ATP6V1H: variants seen among roughly 807,000 people sequenced by gnomAD.
The protein encoded by ATP6V1H is V-type proton ATPase subunit H.
Under a neutral mutation model 71.7 loss-of-function variants are expected in ATP6V1H, and 39 were observed. The ratio of observed to expected loss-of-function variants is 0.54; its 90% CI spans 0.42 to 0.71. ATP6V1H has a LOEUF of 0.71. Among genes scored for constraint, ATP6V1H ranks in the 30% least tolerant of loss-of-function variants. The probability of loss-of-function intolerance (pLI) is 0.00; values close to 1 mark genes in which losing one functional copy is unlikely to be tolerated. For missense variants in ATP6V1H, 509 were observed against 594.9 expected, an observed-to-expected ratio of 0.86 and a Z score of 1.50; for synonymous variants, 192 against 199.3, an observed-to-expected ratio of 0.96 and a Z score of 0.31.
chr8:53,754,362 A>C (rs145187512), intron 12 of ATP6V1H, among the ~76,000 whole-genome samples: 2 of 152,218 alleles, frequency 1.3e-5, no homozygotes, highest in African/African-American at 2.4e-5. Context: ...TGGCTGGCAC[A>C]GGCTGGAACC....
chr8:53,784,671 G>C (rs1256517934), intron 9 of ATP6V1H, among the ~76,000 whole-genome samples: 2 of 152,186 alleles, frequency 1.3e-5, no homozygotes, highest in Non-Finnish European at 2.9e-5. Context: ...TGCAGTGGCT[G>C]GTACCGGTTG....
intron 9 of ATP6V1H, among the ~76,000 whole-genome samples, chr8:53,792,420 A>T (rs909570942): frequency 6.6e-6 from 1 of 152,092 alleles, no homozygotes; most frequent in African/African-American, 2.4e-5. Flanking sequence ...CACACTGAAC[A>T]CCACTCCTCC....
At chr8:53,800,807 C>T (rs1809887229) in intron 8 of ATP6V1H, among the ~76,000 whole-genome samples, 1 of 152,094 alleles carries the variant, frequency 6.6e-6, no homozygotes, top group South Asian at 2.1e-4. Flanking sequence ...GTTTTTCACT[C>T]TCTTTATTCT....
At chr8:53,826,217 C>A (rs1042556317) in intron 4 of ATP6V1H, among the ~76,000 whole-genome samples, 1 of 152,122 alleles carries the variant, frequency 6.6e-6, no homozygotes, top group Non-Finnish European at 1.5e-5. Context: ...GATGAAAATG[C>A]AAAATGGAAT....
chr8:53,817,280 G>T, intron 5 of ATP6V1H, 137 bp downstream of exon 5: 2 of 478,996 alleles, frequency 4.2e-6, no homozygotes, highest in Middle Eastern at 5.1e-4. Context: ...GCTCACACCT[G>T]TAATCCCAGC....
At chr8:53,778,153 A>T (rs1384041210) in intron 9 of ATP6V1H, among the ~76,000 whole-genome samples, 1 of 152,102 alleles carries the variant, frequency 6.6e-6, no homozygotes, top group African/African-American at 2.4e-5. Flanking sequence ...TAGTGCAAAA[A>T]CAAATAGTTA....
intron 2 of ATP6V1H, among the ~76,000 whole-genome samples, chr8:53,838,005 C>T (rs1309257698): frequency 1.3e-5 from 2 of 152,122 alleles, no homozygotes; most frequent in Non-Finnish European, 2.9e-5. Context: ...CTGGAGAGAG[C>T]CACACTGAAC....
intron 12 of ATP6V1H, among the ~76,000 whole-genome samples, chr8:53,750,705 A>C (rs368397239): frequency 6.6e-6 from 1 of 152,228 alleles, no homozygotes; most frequent in African/African-American, 2.4e-5. Context: ...AAGAGACAAC[A>C]TTCTGACACT....
Position 53,823,505 on chromosome 8 carries a change from T to G in ATP6V1H, c.306+5939A>C, listed in dbSNP as rs149054355. Among the ~76,000 whole-genome samples the G allele has an allele frequency of 2.3e-3, 344 of 152,260 alleles. 2 individuals carry two copies. Among genetic ancestry groups the G allele is most frequent in the African/African-American group, 7.9e-3 (327 of 41,554 alleles). The stretch of plus-strand genomic sequence containing the variant: ...TTTTTGGGGGGGCGGGGGAGATAGT[T>G]TCACTCTTTCTGCCCAGGCTGCAGT... On this transcript the variant is annotated intron_variant, in intron 4 of 13. Transcript: ENST00000359530.
intron 12 of ATP6V1H, among the ~76,000 whole-genome samples, chr8:53,746,069 G>A (rs1392938646): frequency 6.6e-6 from 1 of 152,176 alleles, no homozygotes; most frequent in Non-Finnish European, 1.5e-5. Flanking sequence ...ACCACTTACA[G>A]TAATATCAAA....
At chr8:53,778,602 A>C (rs1181263180) in intron 9 of ATP6V1H, among the ~76,000 whole-genome samples, 1 of 152,186 alleles carries the variant, frequency 6.6e-6, no homozygotes, top group Non-Finnish European at 1.5e-5. Context: ...TGTTAAGTAA[A>C]ATGAAATTTT....
At chr8:53,805,368 T>C (rs760011674) in intron 7 of ATP6V1H, among the ~76,000 whole-genome samples, 6 of 152,314 alleles carry the variant, frequency 3.9e-5, no homozygotes, top group Middle Eastern at 3.4e-3. Context: ...TTAAGTGAAA[T>C]GAAAAGATGC....
chr8:53,732,678 A>T (rs908336968), intron 13 of ATP6V1H, among the ~76,000 whole-genome samples: 1 of 152,070 alleles, frequency 6.6e-6, no homozygotes, highest in Non-Finnish European at 1.5e-5. Context: ...AAAAGAAAAA[A>T]AAAAGTAACA....
chr8:53,784,880 G>A (rs1809313053), intron 9 of ATP6V1H, among the ~76,000 whole-genome samples: 2 of 152,176 alleles, frequency 1.3e-5, no homozygotes, highest in South Asian at 4.1e-4. Context: ...CTCTCTTCTT[G>A]CTTGTAGAGT....
chr8:53,780,574 G>A (rs1459886943), intron 9 of ATP6V1H, among the ~76,000 whole-genome samples: 1 of 151,506 alleles, frequency 6.6e-6, no homozygotes, highest in African/African-American at 2.4e-5. Flanking sequence ...AAGTTTTAGG[G>A]TACATGTGCA....
chr8:53,802,528 G>A (rs1446142153), intron 7 of ATP6V1H, among the ~76,000 whole-genome samples: 5 of 152,082 alleles, frequency 3.3e-5, no homozygotes, highest in South Asian at 2.1e-4. Flanking sequence ...AGGCTAGCCC[G>A]GGCAACCTGG....
At chr8:53,837,492 T>C (rs1811195392) in intron 2 of ATP6V1H, among the ~76,000 whole-genome samples, 2 of 135,812 alleles carry the variant, frequency 1.5e-5, no homozygotes, top group African/African-American at 6.2e-5. Context: ...GTAAATGCTA[T>C]GGAAAAAAAA....
At position 53,738,308 on chromosome 8, in the gene ATP6V1H, A is replaced by AC. The variant is rs1200806532; in HGVS notation, c.1391+5268_1391+5269insG. 3.9e-5 allele frequency among the ~76,000 whole-genome samples: 6 copies of AC among 152,094 alleles called. No individual in the cohort carries two copies. In the East Asian group the frequency reaches 1.2e-3, roughly 30 times the overall value. On this transcript the variant is annotated intron_variant, in intron 13 of 13. Coordinates refer to ENST00000359530, the MANE Select transcript of ATP6V1H (RefSeq NM_015941.4). ...CGAGACTCTGCCTCAAAAAAAAAAAAAAATGCGTGCACGTGCACACACACA... is the reference window on the plus strand; with the variant it reads ...CGAGACTCTGCCTCAAAAAAAAAAAACAAATGCGTGCACGTGCACACACACA...
chr8:53,829,496 C>G lies in ATP6V1H; in HGVS notation c.254G>C (p.Cys85Ser). 6.3e-7 allele frequency: 1 copy of G among 1,598,550 alleles called. No individual in the cohort carries two copies. The highest frequency in any genetic ancestry group is 8.5e-7 in the Non-Finnish European group (1 of 1,174,216). The change falls in exon 4 of 14, where the codon TGC (cysteine) becomes TCC (serine). Residue 85 changes from cysteine to serine, a missense_variant. Physicochemically the swap from Cys to Ser is moderately radical, Grantham distance 112 (BLOSUM62 -1). Coordinates refer to ENST00000359530, the MANE Select transcript of ATP6V1H (RefSeq NM_015941.4). ...KTFINLMTHI[C>S]KEQTVQYILT... ...TATATACTGAACGGTCTGTTCTTTG[C>G]AGATATGAGTCATCAGATTTATAAA...
Sources: allele counts gnomAD v4.1 joint callset (sites outside exome capture counted in the v4.1 genomes callset), GRCh38; gene constraint gnomAD v4.1.1; transcripts MANE v1.5; gene names NCBI Gene and HGNC (gene_info 2026-07-23, HGNC 2026-07-21).